ATP6V0A4: variants seen among roughly 807,000 people sequenced by gnomAD.
ATP6V0A4 encodes the protein V-type proton ATPase 116 kDa subunit a 4.
In ATP6V0A4, 86 loss-of-function variants were observed where a neutral mutation model predicts 107.3. The ratio of observed to expected loss-of-function variants is 0.80; its 90% CI spans 0.67 to 0.96. The LOEUF is 0.96. Among genes scored for constraint, ATP6V0A4 ranks in the 40% least tolerant of loss-of-function variants. The probability of loss-of-function intolerance (pLI) is 0.00; values close to 1 mark genes in which losing one functional copy is unlikely to be tolerated. For synonymous variants in ATP6V0A4, 353 were observed against 381.4 expected, an observed-to-expected ratio of 0.93 and a Z score of 0.87; for missense variants, 908 against 1,045.6, an observed-to-expected ratio of 0.87 and a Z score of 1.81.
intron 20 of ATP6V0A4, among the ~76,000 whole-genome samples, chr7:138,715,329 T>C (rs1489823543): frequency 1.3e-5 from 2 of 152,106 alleles, no homozygotes; most frequent in Non-Finnish European, 2.9e-5. Context: ...AGTCTCCGAG[T>C]AGCTAGAGTT....
Position 138,786,235 on chromosome 7 carries a change from A to G in ATP6V0A4, c.-95T>C, listed in dbSNP as rs2130207180. 6.6e-6 allele frequency: 1 copy of G among 152,352 alleles called. No homozygotes were observed. Among genetic ancestry groups the G allele is most frequent in the African/African-American group, 2.4e-5 (1 of 41,572 alleles). 9.4% of individuals were successfully genotyped at this position (152,352 alleles called of 1,614,324 possible). A position where few individuals can be genotyped will look rare whatever the true frequency, so the allele number is the denominator to read the frequency against. On this transcript the variant is annotated 5_prime_UTR_variant, in exon 2 of 22. Transcript: ENST00000310018. ...CCTTTCATTCCTGTCTTCACTTGCC[A>G]CGTCATGGAGGAACTGGAAATGAGA...
Position 138,745,227 on chromosome 7 carries a change from G to A in ATP6V0A4, c.1374C>T (p.Phe458=). ...GRYLILLMGI[F]SIYTGLIYND... is the part of the protein sequence containing the mutation. ...TGTAGATCAAACCCGTGTAGATGGAGAAGATGCCCATAAGTAGGATCAGAT... is the reference window on the plus strand; with the variant it reads ...TGTAGATCAAACCCGTGTAGATGGAAAAGATGCCCATAAGTAGGATCAGAT... The change falls in exon 14 of 22, where the codon TTC becomes TTT. Residue 458 remains phenylalanine, a synonymous_variant. Coordinates refer to ENST00000310018, the MANE Select transcript of ATP6V0A4 (RefSeq NM_020632.3). The A allele has an allele frequency of 6.2e-7, 1 of 1,614,020 alleles. No homozygotes were observed. The highest frequency in any genetic ancestry group is 8.5e-7 in the Non-Finnish European group (1 of 1,179,972).
rs899373762 is a variant in ATP6V0A4 at position 138,798,192 on chromosome 7, G to T, written c.-279C>A. The T allele has an allele frequency of 1.3e-6, 2 of 1,585,426 alleles. No homozygotes were observed. The highest frequency in any genetic ancestry group is 1.3e-5 in the African/African-American group (1 of 74,370). Reference sequence around the variant, plus strand: ...CCACTCGGCTTGCTCGGCAGGTAGCGTTATGAGCTTTATTCATGGCCAGGC... The same window carrying T: ...CCACTCGGCTTGCTCGGCAGGTAGCTTTATGAGCTTTATTCATGGCCAGGC... On this transcript the variant is annotated 5_prime_UTR_variant, in exon 1 of 22. Transcript: ENST00000310018.
At chr7:138,725,737 T>A (rs974065883) in intron 18 of ATP6V0A4, among the ~76,000 whole-genome samples, 5 of 152,064 alleles carry the variant, frequency 3.3e-5, no homozygotes, top group African/African-American at 1.2e-4. Context: ...GGTCTCGAAC[T>A]CCTGACCTCA....
intron 10 of ATP6V0A4, 82 bp downstream of exon 10, chr7:138,755,607 G>A: frequency 6.3e-7 from 1 of 1,582,824 alleles, no homozygotes; most frequent in Non-Finnish European, 8.6e-7. Context: ...CAAGGGCCCT[G>A]GGGGGCAGGG....
In ATP6V0A4 at chr7:138,706,735, C is replaced by A; in HGVS notation, c.2430-18G>T. On this transcript the variant is annotated intron_variant, in intron 21 of 21. Coordinates refer to ENST00000310018, the MANE Select transcript of ATP6V0A4 (RefSeq NM_020632.3). ...ACTCAACCCTGTTGTTGAGGGGAGG[C>A]CGTGGGGTAAGAAATGGGAGATTGA... The A allele has an allele frequency of 2.5e-6, 4 of 1,612,454 alleles. No homozygotes were observed. In the African/African-American group the frequency reaches 5.3e-5, roughly 22 times the overall value.
Position 138,755,768 on chromosome 7 carries a change from A to G in ATP6V0A4, c.737T>C (p.Val246Ala), listed in dbSNP as rs757920987. The G allele has an allele frequency of 1.2e-6, 2 of 1,613,496 alleles. No homozygotes were observed. The highest frequency in any genetic ancestry group is 8.5e-7 in the Non-Finnish European group (1 of 1,180,032). ...KKICDGFRAT[V>A]YPCPEPAVER... The stretch of plus-strand genomic sequence containing the variant: ...CACCGCAGGCTCTGGGCAAGGGTAG[A>G]CAGTGGCTCGAAACCTGTGTTTAAT... Residue 246 changes from valine (V) to alanine (A), a missense_variant, in exon 10 of 22, where the codon GTC becomes GCC. Transcript: ENST00000310018.
Position 138,715,850 on chromosome 7 carries a change from G to C in ATP6V0A4, c.2171C>G (p.Ala724Gly). The C allele has an allele frequency of 6.2e-7, 1 of 1,613,534 alleles. No individual in the cohort carries two copies. ...CAGGCAGTACTCGATGGTGTGGATG[G>C]CTTGGTGGACAAAGACGTCTCCAAA... ...FNFGDVFVHQ[A>G]IHTIEYCLGC... The change falls in exon 20 of 22, where the codon GCC (alanine) becomes GGC (glycine). Residue 724 changes from alanine to glycine, a missense_variant. Coordinates refer to ENST00000310018, the MANE Select transcript of ATP6V0A4 (RefSeq NM_020632.3).
At chr7:138,760,215 G>A (rs1175975078) in intron 7 of ATP6V0A4, among the ~76,000 whole-genome samples, 2 of 151,968 alleles carry the variant, frequency 1.3e-5, no homozygotes, top group Non-Finnish European at 2.9e-5. Flanking sequence ...AGGCTGAGGC[G>A]GGCGGATCAC....
chr7:138,763,851 T>C (rs1806949500), intron 5 of ATP6V0A4, among the ~76,000 whole-genome samples: 1 of 150,072 alleles, frequency 6.7e-6, no homozygotes. Context: ...CGGGCAAAAC[T>C]CTGGAGGCTG....
rs745448000 is a variant in ATP6V0A4, at chr7:138,752,621, G to A, written c.1029+4C>T. ...GACCCCTCCTGGCTCCACCTGCCACGCACCATGCCTTGCTCCAGTGCCCTC... is the reference window on the plus strand; with the variant it reads ...GACCCCTCCTGGCTCCACCTGCCACACACCATGCCTTGCTCCAGTGCCCTC... On this transcript the variant is annotated splice_donor_region_variant and intron_variant, in intron 11 of 21. Transcript: ENST00000310018. The A allele has an allele frequency of 2.5e-6, 4 of 1,612,790 alleles. No individual in the cohort carries two copies. Among genetic ancestry groups the A allele is most frequent in the East Asian group, 2.2e-5 (1 of 44,852 alleles).
At chr7:138,779,074 C>T (rs555571354) in intron 2 of ATP6V0A4, among the ~76,000 whole-genome samples, 2 of 152,310 alleles carry the variant, frequency 1.3e-5, no homozygotes, top group East Asian at 3.9e-4. Flanking sequence ...GGAGCGATGG[C>T]TTGAGCCTAT....
chr7:138,765,900 C>T (rs1028590337), intron 5 of ATP6V0A4, among the ~76,000 whole-genome samples: 1 of 152,120 alleles, frequency 6.6e-6, no homozygotes, highest in African/African-American at 2.4e-5. Context: ...CAGGTGCACA[C>T]CACCACACCC....
At chr7:138,748,294 C>G (rs1429039224) in intron 12 of ATP6V0A4, among the ~76,000 whole-genome samples, 2 of 152,188 alleles carry the variant, frequency 1.3e-5, no homozygotes, top group African/African-American at 4.8e-5. Flanking sequence ...GACCCTCAAC[C>G]CAGGAGGCCC....
chr7:138,762,170 C>T (rs112783370), intron 7 of ATP6V0A4, among the ~76,000 whole-genome samples, 170 bp downstream of exon 7: 1 of 152,116 alleles, frequency 6.6e-6, no homozygotes, highest in South Asian at 2.1e-4. Context: ...GACACCACTT[C>T]CGACTCCACC....
intron 1 of ATP6V0A4, among the ~76,000 whole-genome samples, chr7:138,794,534 A>G (rs1808567680): frequency 2.0e-5 from 3 of 152,196 alleles, no homozygotes; most frequent in South Asian, 4.1e-4. Context: ...GGAAGCAGTA[A>G]GAGCCCTGGA....
chr7:138,739,575 A>G lies in ATP6V0A4; in HGVS notation c.1537T>C (p.Tyr513His), dbSNP rs1183599446. The G allele has an allele frequency of 6.2e-7, 1 of 1,614,234 alleles. No individual in the cohort carries two copies. Among genetic ancestry groups the G allele is most frequent in the East Asian group, 2.2e-5 (1 of 44,886 alleles). The change falls in exon 15 of 22, where the codon TAT (tyrosine) becomes CAT (histidine). Residue 513 changes from tyrosine to histidine, a missense_variant. Transcript: ENST00000310018. ...LQLDPAIPGVYFGNPYPFGID... is the reference protein window; with the variant it reads ...LQLDPAIPGVHFGNPYPFGID... ...CCAAACGGGTATGGATTTCCAAAAT[A>G]CACTCCTGGTATGGCTGGGTCCAGC...
Position 138,709,776 on chromosome 7 carries a change from C to G in ATP6V0A4, c.2277G>C (p.Trp759Cys), listed in dbSNP as rs761738801. Residue 759 changes from tryptophan to cysteine, a missense_variant, in exon 21 of 22, where the codon TGG becomes TGC. Physicochemically the swap from Trp to Cys is radical, Grantham distance 215. Coordinates refer to ENST00000310018, the MANE Select transcript of ATP6V0A4 (RefSeq NM_020632.3). ...LAHAQLSEVL[W>C]TMVMNSGLQT... ...GAAGGCCGCTGTTCATCACCATAGT[C>G]CAGAGCACTTCAGACAGTTCTGCAA... The G allele has an allele frequency of 6.2e-7, 1 of 1,613,976 alleles. No individual in the cohort carries two copies. The highest frequency in any genetic ancestry group is 1.1e-5 in the South Asian group (1 of 91,076).
At chr7:138,780,202 G>A (rs1319282503) in intron 2 of ATP6V0A4, 4 of 152,220 alleles carry the variant, frequency 2.6e-5, no homozygotes, top group Admixed American at 6.5e-5. Context: ...GACCTGTTTT[G>A]TGGAAGACAG....
Sources: allele counts gnomAD v4.1 joint callset (sites outside exome capture counted in the v4.1 genomes callset), GRCh38; gene constraint gnomAD v4.1.1; transcripts MANE v1.5; gene names NCBI Gene and HGNC (gene_info 2026-07-23, HGNC 2026-07-21).